CD33: variants seen among roughly 807,000 people sequenced by gnomAD.
The protein encoded by CD33 is CD33 molecule, also known as myeloid cell surface antigen CD33.
A neutral mutation model predicts 31.4 loss-of-function variants in CD33; 25 were observed. The ratio of observed to expected loss-of-function variants is 0.80; its 90% CI spans 0.58 to 1.11. CD33 has a LOEUF of 1.11. Among genes scored for constraint, CD33 ranks in the 50% most tolerant of loss-of-function variants. The pLI, the probability that CD33 is intolerant of heterozygous loss-of-function variation, is 0.00. For synonymous variants in CD33, 176 were observed against 180.6 expected (o/e 0.97, Z 0.20); for missense variants, 407 against 448.1 (o/e 0.91, Z 0.83).
At position 51,225,968 on chromosome 19, in the gene CD33, C is replaced by A. The variant is rs554757342; in HGVS notation, c.584C>A (p.Ser195Ter). 5 of 1,614,010 alleles carry A rather than the reference C, an allele frequency of 3.1e-6. No individual in the cohort carries two copies. The highest frequency in any genetic ancestry group is 2.7e-5 in the African/African-American group (2 of 74,894). The change falls in exon 3 of 7, where the codon TCG becomes TAG. Residue 195 changes from serine to a stop codon, truncating the protein, a stop_gained. Transcript: ENST00000262262. LOFTEE classifies it high-confidence loss of function. ...CTGGGCCCCAGGACTACTCACTCCT[C>A]GGTGCTCATAATCACCCCACGGCCC... ...TSLGPRTTHS[S>*]VLIITPRPQD...
At position 51,225,099 on chromosome 19, in the gene CD33, T is replaced by C; in HGVS notation, c.-20T>C. The C allele has an allele frequency of 6.2e-7, 1 of 1,613,484 alleles. No homozygotes were observed. ...TCTTTTCTGCTCACACAGGAAGCCC[T>C]GGAAGCTGCTTCCTCAGACATGCCG... On this transcript the variant is annotated 5_prime_UTR_variant, in exon 1 of 7. Coordinates refer to ENST00000262262, the MANE Select transcript of CD33 (RefSeq NM_001772.4).
chr19:51,213,767 C>T, the CD33 span, among the ~76,000 whole-genome samples: 1 of 151,934 alleles, frequency 6.6e-6, no homozygotes, highest in African/African-American at 2.4e-5. Context: ...AACTCCTGAC[C>T]TCAAGTAATC....
the CD33 span, chr19:51,211,499 G>A: frequency 3.2e-6 from 5 of 1,552,888 alleles, no homozygotes; most frequent in East Asian, 1.1e-4. Flanking sequence ...GACGCCAGGA[G>A]GAGGGATAAT....
At chr19:51,219,954 T>C in the CD33 span, among the ~76,000 whole-genome samples, 2 of 152,198 alleles carry the variant, frequency 1.3e-5, no homozygotes, top group Non-Finnish European at 2.9e-5. Context: ...TTTTTGCGTC[T>C]ATGTTCATCA....
intron 4 of CD33, 21 bp from the exon 5 acceptor site, chr19:51,235,136 C>T (rs772061530): frequency 6.3e-7 from 1 of 1,598,234 alleles, no homozygotes. Flanking sequence ...AGAATTCACC[C>T]CAAATCTTTT....
At chr19:51,239,424 G>A in intron 6 of CD33, 94 bp from the exon 7 acceptor site, 2 of 868,138 alleles carry the variant, frequency 2.3e-6, no homozygotes, top group Non-Finnish European at 3.5e-6. Context: ...TAAATGTTCT[G>A]TCAGAGTCAA....
chr19:51,239,641 C>G lies in CD33; in HGVS notation c.1048C>G (p.Pro350Ala). ...TTCCCTCAACTTTCATGGGATGAAT[C>G]CTTCCAAGGACACCTCCACCGAATA... Reference protein sequence around the residue: ...YASLNFHGMNPSKDTSTEYSE... With the variant: ...YASLNFHGMNASKDTSTEYSE... Residue 350 changes from proline (P) to alanine (A), a missense_variant, in exon 7 of 7, where the codon CCT becomes GCT. Transcript: ENST00000262262. The G allele has an allele frequency of 6.2e-7, 1 of 1,613,500 alleles. No individual in the cohort carries two copies. Among genetic ancestry groups the G allele is most frequent in the South Asian group, 1.1e-5 (1 of 90,922 alleles).
At chr19:51,233,320 C>T (rs1301935960) in intron 4 of CD33, among the ~76,000 whole-genome samples, 1 of 152,164 alleles carries the variant, frequency 6.6e-6, no homozygotes, top group Admixed American at 6.5e-5. Flanking sequence ...GTGTGTTCGC[C>T]CTGAGTGGGA....
chr19:51,213,047 C>T, the CD33 span, among the ~76,000 whole-genome samples: 7 of 152,278 alleles, frequency 4.6e-5, no homozygotes, highest in Non-Finnish European at 7.3e-5. Context: ...TGTTCCTAAA[C>T]GCAAAATAGC....
chr19:51,215,419 C>G, the CD33 span, among the ~76,000 whole-genome samples: 1 of 152,150 alleles, frequency 6.6e-6, no homozygotes, highest in African/African-American at 2.4e-5. Context: ...GGAGGTGAGT[C>G]TGCTGCCCTC....
rs552420587 is a variant in CD33, at chr19:51,236,062, G to C, written c.924+386G>C. Reference sequence around the variant, plus strand: ...AGTCCCAGCTACTTGGGAGGCTGAGGCAGGAGAATGGTATGAACCCGGGAG... The same window carrying C: ...AGTCCCAGCTACTTGGGAGGCTGAGCCAGGAGAATGGTATGAACCCGGGAG... On this transcript the variant is annotated intron_variant, in intron 6 of 6. Coordinates refer to ENST00000262262, the MANE Select transcript of CD33 (RefSeq NM_001772.4). 8.7e-5 allele frequency: 46 copies of C among 527,622 alleles called. 1 individual carries two copies. The highest frequency in any genetic ancestry group is 8.4e-4 in the African/African-American group (44 of 52,182). The allele number at this position is 527,622 out of a possible 1,614,324, so 32.7% of individuals were successfully genotyped here. A position where few individuals can be genotyped will look rare whatever the true frequency, so the allele number is the denominator to read the frequency against.
intron 1 of CD33, 28 bp downstream of exon 1, chr19:51,225,183 CG>C: frequency 6.2e-7 from 1 of 1,613,472 alleles, no homozygotes; most frequent in Non-Finnish European, 8.5e-7. Context: ...GAGGGGTTGT[CG>C]GGCTGGGCCG....
intron 3 of CD33, 35 bp downstream of exon 3, chr19:51,226,116 G>T (rs766888808): frequency 3.1e-6 from 5 of 1,605,422 alleles, no homozygotes; most frequent in Non-Finnish European, 4.3e-6. Context: ...GGTCCCTGAG[G>T]GTGTAGGGGA....
upstream of CD33, among the ~76,000 whole-genome samples, chr19:51,224,242 T>C (rs149148549): frequency 2.9e-3 from 441 of 152,278 alleles, no homozygotes; most frequent in African/African-American, 0.01. Flanking sequence ...TCTGTACCCA[T>C]ACATCTTTCT....
intron 5 of CD33, 26 bp downstream of exon 5, chr19:51,235,279 T>C: frequency 6.2e-7 from 1 of 1,601,242 alleles, no homozygotes; most frequent in Non-Finnish European, 8.6e-7. Context: ...GGGTCAGGCA[T>C]GGGCCAGAGG....
intron 4 of CD33, among the ~76,000 whole-genome samples, chr19:51,232,608 TA>T (rs1012781316): frequency 4.1e-4 from 62 of 152,370 alleles, no homozygotes; most frequent in African/African-American, 1.4e-3. Flanking sequence ...CTCTTATTTT[TA>T]CCTGCCTGTG....
upstream of CD33, among the ~76,000 whole-genome samples, chr19:51,220,403 T>G (rs1429681162): frequency 1.3e-5 from 2 of 152,198 alleles, no homozygotes; most frequent in Non-Finnish European, 2.9e-5. Context: ...CTCCAGAGAC[T>G]TGAGAGGATC....
At position 51,231,894 on chromosome 19, in the gene CD33, G is replaced by T. The variant is rs138077624; in HGVS notation, c.746-3263G>T. ...CTGCCTTAACCTCCCAAGTAGCTGG[G>T]ACTACAGGCATGTGCCACCACGCCC... On this transcript the variant is annotated intron_variant, in intron 4 of 6. Coordinates refer to ENST00000262262, the MANE Select transcript of CD33 (RefSeq NM_001772.4). 4.6e-5 allele frequency among the ~76,000 whole-genome samples: 7 copies of T among 152,256 alleles called. No individual in the cohort carries two copies. In the East Asian group the frequency reaches 9.7e-4, roughly 21 times the overall value.
At chr19:51,226,184 G>A (rs1981015219) in intron 3 of CD33, 103 bp downstream of exon 3, 3 of 1,521,182 alleles carry the variant, frequency 2.0e-6, no homozygotes, top group Middle Eastern at 1.7e-4. Context: ...CTGAGTTCGG[G>A]AGCCAGAAGG....
Sources: allele counts gnomAD v4.1 joint callset (sites outside exome capture counted in the v4.1 genomes callset), GRCh38; gene constraint gnomAD v4.1.1; transcripts MANE v1.5; gene names NCBI Gene and HGNC (gene_info 2026-07-23, HGNC 2026-07-21).